AGPAT5: variants seen among roughly 807,000 people sequenced by gnomAD.
The protein encoded by AGPAT5 is 1-acylglycerol-3-phosphate O-acyltransferase 5, also known as 1-acyl-sn-glycerol-3-phosphate acyltransferase epsilon.
AGPAT5 carries 46 observed loss-of-function variants against 45.6 expected under a neutral mutation model. The ratio of observed to expected loss-of-function variants is 1.01; its 90% CI spans 0.80 to 1.29. AGPAT5 has a LOEUF of 1.29. AGPAT5 is among the 50% of genes most tolerant of loss of function. AGPAT5 has a pLI of 0.00. For missense variants in AGPAT5, 673 were observed against 450.7 expected (o/e 1.49, Z -4.47); for synonymous variants, 272 against 167.0 (o/e 1.63, Z -4.85).
At chr8:6,748,600 G>T (rs1475430664) in intron 6 of AGPAT5, among the ~76,000 whole-genome samples, 1 of 152,090 alleles carries the variant, frequency 6.6e-6, no homozygotes, top group Non-Finnish European at 1.5e-5. Flanking sequence ...CGCCTCCCAC[G>T]TTCACACGAT....
In AGPAT5 at chr8:6,732,564, G is replaced by C; in HGVS notation, c.409G>C (p.Gly137Arg). The stretch of plus-strand genomic sequence containing the variant: ...TCTCCCGATTTGATTGTGGCAGCAT[G>C]GAGGAATCTATGTAAAGCGCAGTGC... The part of the protein sequence containing the change: ...PLYGCYFAQH[G>R]GIYVKRSAKF... Residue 137 changes from glycine (G) to arginine (R), a missense_variant, in exon 4 of 8, where the codon GGA (glycine) becomes CGA (arginine). Gly to Arg is a moderately radical substitution (Grantham distance 125). Coordinates refer to ENST00000285518, the MANE Select transcript of AGPAT5 (RefSeq NM_018361.5). The C allele has an allele frequency of 6.2e-7, 1 of 1,601,564 alleles. No homozygotes were observed. Among genetic ancestry groups the C allele is most frequent in the Non-Finnish European group, 8.5e-7 (1 of 1,176,604 alleles).
intron 1 of AGPAT5, among the ~76,000 whole-genome samples, chr8:6,720,679 G>A (rs1336380304): frequency 2.0e-5 from 3 of 152,164 alleles, no homozygotes; most frequent in East Asian, 3.8e-4. Context: ...CATCAATCAC[G>A]CAGATCCAGT....
At chr8:6,735,443 G>C (rs73508233) in intron 4 of AGPAT5, among the ~76,000 whole-genome samples, 5,569 of 152,256 alleles carry the variant, frequency 0.037, 333 homozygotes, top group African/African-American at 0.13. Context: ...CCTTGTGTCT[G>C]TAGCCCAGGG....
At position 6,741,754 on chromosome 8, in the gene AGPAT5, AAGTAAAAATTTG is replaced by A. The variant is rs756076142; in HGVS notation, c.586+7_586+18del. 6.2e-7 allele frequency: 1 copy of A among 1,607,698 alleles called. No individual in the cohort carries two copies. Among genetic ancestry groups the A allele is most frequent in the Admixed American group, 1.7e-5 (1 of 59,526 alleles). Reference sequence around the variant, plus strand: ...TCAGGCATTTGCTGCCCAACGTGGTAAGTAAAAATTTGAGTGTTTGAACAAATAATTTTCAAA... The same window carrying A: ...TCAGGCATTTGCTGCCCAACGTGGTAAGTGTTTGAACAAATAATTTTCAAA... On this transcript the variant is annotated splice_donor_5th_base_variant and intron_variant, in intron 5 of 7. Transcript: ENST00000285518.
At position 6,758,296 on chromosome 8, in the gene AGPAT5, T is replaced by A. The variant is rs1275463758; in HGVS notation, c.*908T>A. 6.6e-6 allele frequency: 1 copy of A among 152,658 alleles called. No individual in the cohort carries two copies. Among genetic ancestry groups the A allele is most frequent in the Non-Finnish European group, 1.5e-5 (1 of 68,036 alleles). The allele number at this position is 152,658 out of a possible 1,614,324, so 9.5% of individuals were successfully genotyped here. A position where few individuals can be genotyped will look rare whatever the true frequency, so the allele number is the denominator to read the frequency against. ...TAAGGTGATGAGAGCCTGCAGACAT[T>A]CTGCCTAGATTTACTAGCGTGTGCC... On this transcript the variant is annotated 3_prime_UTR_variant, in exon 8 of 8. Coordinates refer to ENST00000285518, the MANE Select transcript of AGPAT5 (RefSeq NM_018361.5).
chr8:6,708,971 G>C (rs756247297), intron 1 of AGPAT5, 84 bp downstream of exon 1: 20 of 1,374,316 alleles, frequency 1.5e-5, no homozygotes, highest in African/African-American at 1.4e-4. Flanking sequence ...CAGCTGGCGA[G>C]GGTCACCCGG....
At chr8:6,745,058 AT>A (rs1801390662) in intron 5 of AGPAT5, 1 of 152,308 alleles carries the variant, frequency 6.6e-6, no homozygotes, top group Non-Finnish European at 1.5e-5. Flanking sequence ...ACATTCAAGG[AT>A]TTTTTGCTTT....
intron 1 of AGPAT5, among the ~76,000 whole-genome samples, chr8:6,721,209 A>G (rs1321128569): frequency 1.3e-5 from 2 of 152,236 alleles, no homozygotes; most frequent in Non-Finnish European, 2.9e-5. Context: ...TACAGCAGAA[A>G]TCTTATAATG....
intron 1 of AGPAT5, among the ~76,000 whole-genome samples, chr8:6,717,380 G>T (rs182897271): frequency 6.6e-6 from 1 of 152,248 alleles, no homozygotes; most frequent in East Asian, 1.9e-4. Flanking sequence ...AAGAAAGGAG[G>T]GTGATGGTAC....
chr8:6,739,282 C>T (rs1200722023), intron 4 of AGPAT5, among the ~76,000 whole-genome samples: 1 of 151,986 alleles, frequency 6.6e-6, no homozygotes, highest in Admixed American at 6.6e-5. Flanking sequence ...AGGTTTTTTG[C>T]ATTTCTGTGT....
At chr8:6,739,425 T>G (rs1801163934) in intron 4 of AGPAT5, among the ~76,000 whole-genome samples, 2 of 152,152 alleles carry the variant, frequency 1.3e-5, no homozygotes. Context: ...GAACGTAGCC[T>G]GCATTTGTTT....
intron 5 of AGPAT5, chr8:6,745,142 C>G (rs1003858044): frequency 1.3e-5 from 2 of 153,298 alleles, no homozygotes; most frequent in South Asian, 4.1e-4. Flanking sequence ...TGTGGAGTCT[C>G]TTGACTTGGA....
In AGPAT5 at chr8:6,757,286, G is replaced by C. The variant is rs1387375339; in HGVS notation, c.993G>C (p.Leu331Phe). 5.6e-6 allele frequency: 9 copies of C among 1,614,052 alleles called. No individual in the cohort carries two copies. The highest frequency in any genetic ancestry group is 1.3e-5 in the African/African-American group (1 of 74,926). Reference protein sequence around the residue: ...TLPSMLILSGLTAGMLMTDAG... With the variant: ...TLPSMLILSGFTAGMLMTDAG... Reference sequence around the variant, plus strand: ...CATCAATGTTGATCTTAAGTGGTTTGACTGCAGGCATGCTTATGACCGATG... The same window carrying C: ...CATCAATGTTGATCTTAAGTGGTTTCACTGCAGGCATGCTTATGACCGATG... The change falls in exon 8 of 8, where the codon TTG becomes TTC. Residue 331 changes from leucine to phenylalanine, a missense_variant. Leu to Phe is a conservative substitution (Grantham distance 22). Transcript: ENST00000285518.
Position 6,752,330 on chromosome 8 carries a change from A to G in AGPAT5, c.746-2721A>G, listed in dbSNP as rs181096644. ...TTAAATCCTCTTTTTTATAATGTCT[A>G]TATGTTGGAGAGAGTATGTGCCTTT... On this transcript the variant is annotated intron_variant, in intron 6 of 7. Coordinates refer to ENST00000285518, the MANE Select transcript of AGPAT5 (RefSeq NM_018361.5). 1.2e-4 allele frequency among the ~76,000 whole-genome samples: 18 copies of G among 152,286 alleles called. No individual in the cohort carries two copies. The East Asian group carries it at 1.7e-3, about 15-fold the overall frequency.
At chr8:6,750,384 A>G (rs910609374) in intron 6 of AGPAT5, among the ~76,000 whole-genome samples, 2 of 152,184 alleles carry the variant, frequency 1.3e-5, no homozygotes, top group African/African-American at 2.4e-5. Context: ...GCCTATGTGT[A>G]TTCATTACAA....
intron 7 of AGPAT5, among the ~76,000 whole-genome samples, chr8:6,755,883 A>G (rs1458231871): frequency 6.6e-6 from 1 of 152,244 alleles, no homozygotes; most frequent in Non-Finnish European, 1.5e-5. Context: ...TTAACTGTAC[A>G]TGATGTAATG....
chr8:6,737,722 A>T (rs1446634935), intron 4 of AGPAT5, among the ~76,000 whole-genome samples: 3 of 152,214 alleles, frequency 2.0e-5, no homozygotes. Flanking sequence ...ATTGGTTTTG[A>T]AATTAGATTC....
intron 5 of AGPAT5, among the ~76,000 whole-genome samples, chr8:6,747,363 G>A (rs761699237): frequency 3.3e-5 from 5 of 152,204 alleles, no homozygotes; most frequent in South Asian, 2.1e-4. Context: ...GGCCAGAAGC[G>A]AGGGCACTAA....
rs941872032 is a variant in AGPAT5, at chr8:6,760,129, C to T, written c.*2741C>T. Among the ~76,000 whole-genome samples, 1 of 151,978 alleles carries T rather than the reference C, an allele frequency of 6.6e-6. No individual in the cohort carries two copies. Among genetic ancestry groups the T allele is most frequent in the Non-Finnish European group, 1.5e-5 (1 of 68,022 alleles). On this transcript the variant is annotated 3_prime_UTR_variant, in exon 8 of 8. Coordinates refer to ENST00000285518, the MANE Select transcript of AGPAT5 (RefSeq NM_018361.5). ...TCATAATTATATTCTTTGAATAGGT[C>T]TGTGTCAATCAAGTGATCTAACTAG...
Sources: gnomAD v4.1 joint callset for allele counts (sites outside exome capture counted in the v4.1 genomes callset) on GRCh38, gnomAD v4.1.1 for gene constraint, MANE v1.5 for transcripts, NCBI Gene and HGNC (gene_info 2026-07-23, HGNC 2026-07-21) for gene names.